Variants in CNTNAP5 observed in about 807,000 individuals in gnomAD.
CNTNAP5 encodes the protein contactin associated protein family member 5, also known as contactin-associated protein-like 5.
CNTNAP5 carries 72 observed loss-of-function variants against 150.2 expected under a neutral mutation model. The observed-to-expected ratio is 0.48, with a 90% CI of 0.40 to 0.58. The LOEUF is 0.58. CNTNAP5 is among the 20% of genes least tolerant of loss of function. The pLI is 0.00. For missense variants in CNTNAP5, 1,636 were observed against 1,626.2 expected (o/e 1.01, Z -0.10); for synonymous variants, 672 against 619.8 (o/e 1.08, Z -1.25).
chr2:124,249,568 A>G (rs1687118718), intron 3 of CNTNAP5, among the ~76,000 whole-genome samples: 1 of 152,204 alleles, frequency 6.6e-6, no homozygotes, highest in African/African-American at 2.4e-5. Flanking sequence ...TATAGCCTAG[A>G]AGCCCCCATC....
rs1399504785 is a variant in CNTNAP5, at chr2:124,916,975, C to T, written c.*2687C>T. On this transcript the variant is annotated 3_prime_UTR_variant, in exon 24 of 24. Coordinates refer to ENST00000682447, the MANE Select transcript of CNTNAP5 (RefSeq NM_001367498.1). ...TAGAATGTAATTTACAATTAGAAAT[C>T]GTGCTAACTCTGACTGTCTTTCCTC... Among the ~76,000 whole-genome samples the T allele has an allele frequency of 6.6e-6, 1 of 152,044 alleles. No homozygotes were observed. The highest frequency in any genetic ancestry group is 1.5e-5 in the Non-Finnish European group (1 of 67,986).
chr2:124,461,786 A>T (rs1693260850), intron 6 of CNTNAP5, among the ~76,000 whole-genome samples: 1 of 151,332 alleles, frequency 6.6e-6, no homozygotes. Context: ...GAAACCACCC[A>T]GGAGGTGGAG....
intron 1 of CNTNAP5, among the ~76,000 whole-genome samples, chr2:124,065,117 A>T (rs754654336): frequency 2.0e-5 from 3 of 152,140 alleles, no homozygotes; most frequent in African/African-American, 4.8e-5. Context: ...GTTTGAGTAC[A>T]TGGAGAATTA....
intron 19 of CNTNAP5, among the ~76,000 whole-genome samples, chr2:124,853,008 A>G (rs1052716601): frequency 6.6e-6 from 1 of 152,236 alleles, no homozygotes; most frequent in Non-Finnish European, 1.5e-5. Context: ...TGAAAGATGC[A>G]TAGGAAGCTG....
intron 13 of CNTNAP5, among the ~76,000 whole-genome samples, chr2:124,674,703 A>G (rs1253501113): frequency 1.3e-5 from 2 of 151,330 alleles, no homozygotes; most frequent in East Asian, 3.9e-4. Context: ...CTTTTGTTTC[A>G]AAGTTTTTCT....
At chr2:124,713,324 T>TTTCC (rs1679871283) in intron 13 of CNTNAP5, among the ~76,000 whole-genome samples, 1 of 70,758 alleles carries the variant, frequency 1.4e-5, no homozygotes, top group African/African-American at 5.3e-5. Flanking sequence ...CTTTCCTTTC[T>TTTCC]TTCTTTCTTT....
intron 10 of CNTNAP5, among the ~76,000 whole-genome samples, chr2:124,547,028 A>T (rs747763363): frequency 2.0e-5 from 3 of 152,262 alleles, no homozygotes; most frequent in Middle Eastern, 6.8e-3. Context: ...AAGAAAAGGG[A>T]GGGAGCAGAA....
intron 9 of CNTNAP5, among the ~76,000 whole-genome samples, chr2:124,526,558 T>C (rs1280623870): frequency 1.3e-5 from 2 of 152,228 alleles, no homozygotes; most frequent in East Asian, 3.9e-4. Context: ...CCTGCAAGGC[T>C]CTATACCTGT....
intron 13 of CNTNAP5, among the ~76,000 whole-genome samples, chr2:124,674,091 G>A (rs746486035): frequency 1.3e-5 from 2 of 152,018 alleles, no homozygotes; most frequent in Non-Finnish European, 2.9e-5. Context: ...CTGTTTTAGT[G>A]ATTTTAGTCT....
intron 6 of CNTNAP5, among the ~76,000 whole-genome samples, chr2:124,458,585 A>T (rs1693176888): frequency 1.3e-5 from 2 of 151,988 alleles, no homozygotes; most frequent in African/African-American, 4.8e-5. Flanking sequence ...TGCTTAGGTT[A>T]TGAGTGCACC....
At chr2:124,510,954 T>C (rs1484090010) in intron 8 of CNTNAP5, among the ~76,000 whole-genome samples, 1 of 152,188 alleles carries the variant, frequency 6.6e-6, no homozygotes, top group African/African-American at 2.4e-5. Flanking sequence ...AGTTCTTTCT[T>C]ACTTTTCATA....
chr2:124,212,829 CTTTTTTTTTTTTTT>C (rs66534077), intron 1 of CNTNAP5, among the ~76,000 whole-genome samples: 1 of 62,872 alleles, frequency 1.6e-5, no homozygotes, highest in Non-Finnish European at 2.7e-5. Context: ...GTAGATAAAT[CTTTTTTTTTTTTTT>C]TTTTTTTTTT....
chr2:124,247,292 A>T (rs1687053991), intron 3 of CNTNAP5, among the ~76,000 whole-genome samples: 1 of 151,854 alleles, frequency 6.6e-6, no homozygotes, highest in Non-Finnish European at 1.5e-5. Context: ...AGCTCTCATT[A>T]TATGCCAAGC....
chr2:124,355,366 T>G (rs1381063167), intron 3 of CNTNAP5, among the ~76,000 whole-genome samples: 2 of 152,168 alleles, frequency 1.3e-5, no homozygotes, highest in African/African-American at 4.8e-5. Context: ...AAACTAGCTT[T>G]TAGATCCTCT....
intron 10 of CNTNAP5, among the ~76,000 whole-genome samples, chr2:124,552,755 G>A (rs1695655641): frequency 6.6e-6 from 1 of 152,072 alleles, no homozygotes; most frequent in South Asian, 2.1e-4. Context: ...CATTGCAAAA[G>A]CCATGAGCAG....
intron 13 of CNTNAP5, among the ~76,000 whole-genome samples, chr2:124,703,722 C>T (rs1042402603): frequency 6.6e-6 from 1 of 152,158 alleles, no homozygotes; most frequent in Non-Finnish European, 1.5e-5. Context: ...TCATTCTGCC[C>T]AGGTCTCATC....
intron 21 of CNTNAP5, among the ~76,000 whole-genome samples, chr2:124,882,134 C>T (rs1173967132): frequency 6.6e-6 from 1 of 152,020 alleles, no homozygotes; most frequent in African/African-American, 2.4e-5. Flanking sequence ...TGGAACTGGA[C>T]CCAGGGCTTT....
At chr2:124,128,752 TC>T (rs199523594) in intron 1 of CNTNAP5, among the ~76,000 whole-genome samples, 3,861 of 152,252 alleles carry the variant, frequency 0.025, 183 homozygotes, top group African/African-American at 0.087. Flanking sequence ...TGAGTTCATG[TC>T]CTTTGTAGGG....
At chr2:124,861,418 C>A (rs950212238) in intron 19 of CNTNAP5, among the ~76,000 whole-genome samples, 1 of 151,560 alleles carries the variant, frequency 6.6e-6, no homozygotes, top group Non-Finnish European at 1.5e-5. Flanking sequence ...ACTAAAAATA[C>A]AAAAATAAAT....
Sources: gnomAD v4.1 joint callset for allele counts (sites outside exome capture counted in the v4.1 genomes callset) on GRCh38, gnomAD v4.1.1 for gene constraint, MANE v1.5 for transcripts, NCBI Gene and HGNC (gene_info 2026-07-23, HGNC 2026-07-21) for gene names.